The following GAD2 variants were observed in gnomAD, a reference collection of about 807,000 sequenced individuals.
GAD2 encodes 65 kDa glutamic acid decarboxylase.
In GAD2, 22 loss-of-function variants were observed where a neutral mutation model predicts 80.1. The observed-to-expected ratio is 0.27, with a 90% CI of 0.20 to 0.39. GAD2 has a LOEUF of 0.39. Among genes scored for constraint, GAD2 ranks in the 10% least tolerant of loss-of-function variants. GAD2 has a pLI of 1.00. For missense variants in GAD2, 624 were observed against 738.4 expected (o/e 0.85, Z 1.80); for synonymous variants, 274 against 256.9 (o/e 1.07, Z -0.64).
intron 13 of GAD2, among the ~76,000 whole-genome samples, chr10:26,289,064 C>T (rs542616424): frequency 6.6e-4 from 100 of 151,660 alleles, no homozygotes; most frequent in African/African-American, 2.1e-3. Context: ...GTTTTTCAAT[C>T]TAAACCTTTG....
At chr10:26,271,376 GA>G (rs57200346) in intron 10 of GAD2, among the ~76,000 whole-genome samples, 2,611 of 151,900 alleles carry the variant, frequency 0.017, 89 homozygotes, top group African/African-American at 0.058. Context: ...ATTTTCCAAT[GA>G]AAAAAAATGT....
At chr10:26,218,551 T>TCTCTCTCA (rs748110324) in intron 3 of GAD2, among the ~76,000 whole-genome samples, 59 of 118,860 alleles carry the variant, frequency 5.0e-4, no homozygotes, top group African/African-American at 1.5e-3. Context: ...TCTCTCTCTC[T>TCTCTCTCA]CACACACACA....
Position 26,219,721 on chromosome 10 carries a change from C to T in GAD2, c.520+445C>T, listed in dbSNP as rs151014755. ...CATAAAACTGATCAGAAACAGGACT[C>T]ACCACCCTATTAATCATTGAGTGGG... On this transcript the variant is annotated intron_variant, in intron 4 of 15. Coordinates refer to ENST00000376261, the MANE Select transcript of GAD2 (RefSeq NM_001134366.2). Among the ~76,000 whole-genome samples the T allele has an allele frequency of 3.9e-3, 590 of 152,324 alleles. 5 individuals are homozygous for T. Among genetic ancestry groups the T allele is most frequent in the African/African-American group, 0.013 (557 of 41,574 alleles).
chr10:26,273,543 G>A (rs1845162884), intron 10 of GAD2, 93 bp from the exon 11 acceptor site: 1 of 1,044,492 alleles, frequency 9.6e-7, no homozygotes, highest in Admixed American at 1.9e-5. Context: ...AGTGGCCTGG[G>A]GTCAAGATCA....
At chr10:26,236,583 G>A (rs1227707818) in intron 7 of GAD2, among the ~76,000 whole-genome samples, 3 of 152,154 alleles carry the variant, frequency 2.0e-5, no homozygotes, top group African/African-American at 7.2e-5. Flanking sequence ...TTACAGGCGT[G>A]AGCCACCGCA....
At chr10:26,280,923 A>C in intron 11 of GAD2, 86 bp from the exon 12 acceptor site, 2 of 804,790 alleles carry the variant, frequency 2.5e-6, no homozygotes, top group Non-Finnish European at 4.3e-6. Flanking sequence ...TCTGAGAAAC[A>C]ATACCAAGAA....
Position 26,218,975 on chromosome 10 carries a change from C to T in GAD2, c.287-68C>T, listed in dbSNP as rs956242841. On this transcript the variant is annotated intron_variant, in intron 3 of 15. Transcript: ENST00000376261. ...TCAATTCAAAGAAATGTTATTGCCT[C>T]ATCAAGATCTTGCCTTGAATATTTT... is the stretch of plus-strand genomic sequence containing the variant. The T allele has an allele frequency of 5.4e-5, 63 of 1,170,908 alleles. No homozygotes were observed. The Admixed American group carries it at 9.2e-4, about 17-fold the overall frequency. 72.5% of individuals were successfully genotyped at this position (1,170,908 alleles called of 1,614,324 possible). A position where few individuals can be genotyped will look rare whatever the true frequency, so the allele number is the denominator to read the frequency against.
chr10:26,232,395 G>C (rs1424851019), intron 7 of GAD2, among the ~76,000 whole-genome samples: 1 of 151,906 alleles, frequency 6.6e-6, no homozygotes, highest in African/African-American at 2.4e-5. Context: ...GACTTGATCA[G>C]GCCATGTGGT....
chr10:26,284,914 T>G (rs753108181), intron 12 of GAD2, among the ~76,000 whole-genome samples: 4 of 152,158 alleles, frequency 2.6e-5, no homozygotes, highest in Non-Finnish European at 4.4e-5. Context: ...GTTTTCTTTA[T>G]CACAGTAGGA....
chr10:26,284,976 T>C (rs1845315891), intron 12 of GAD2, among the ~76,000 whole-genome samples: 1 of 152,298 alleles, frequency 6.6e-6, no homozygotes, highest in South Asian at 2.1e-4. Context: ...TCTTCCTTAG[T>C]ATTGATGGCA....
chr10:26,300,995 G>A lies in GAD2; in HGVS notation c.*34G>A. 3 of 1,558,384 alleles carry A rather than the reference G, an allele frequency of 1.9e-6. No homozygotes were observed. The highest frequency in any genetic ancestry group is 2.7e-6 in the Non-Finnish European group (3 of 1,131,090). On this transcript the variant is annotated 3_prime_UTR_variant, in exon 16 of 16. Transcript: ENST00000376261. ...CTCACCAAGCTGTTCCACTTCTCTAGGTAGACAATTAAGTTGTCACAAACT... is the reference window on the plus strand; with the variant it reads ...CTCACCAAGCTGTTCCACTTCTCTAAGTAGACAATTAAGTTGTCACAAACT...
intron 15 of GAD2, 97 bp downstream of exon 15, chr10:26,293,088 A>G (rs1834236593): frequency 3.2e-6 from 3 of 948,556 alleles, no homozygotes; most frequent in East Asian, 2.4e-5. Flanking sequence ...GAGACAGCCT[A>G]CCTGGGTACA....
intron 8 of GAD2, among the ~76,000 whole-genome samples, chr10:26,260,582 C>T (rs1434182746): frequency 6.6e-6 from 1 of 152,136 alleles, no homozygotes; most frequent in Non-Finnish European, 1.5e-5. Context: ...GAGCCAAGAT[C>T]GAGCCACTGC....
chr10:26,283,561 G>A (rs930460681), intron 12 of GAD2, among the ~76,000 whole-genome samples: 1 of 152,196 alleles, frequency 6.6e-6, no homozygotes, highest in African/African-American at 2.4e-5. Flanking sequence ...TACAGCAAGT[G>A]GAATTTCAGC....
At chr10:26,235,698 C>T (rs1294796465) in intron 7 of GAD2, among the ~76,000 whole-genome samples, 1 of 152,178 alleles carries the variant, frequency 6.6e-6, no homozygotes, top group South Asian at 2.1e-4. Flanking sequence ...CCCAAATCTT[C>T]AGTCATACAA....
At chr10:26,245,694 G>C (rs752453397) in intron 7 of GAD2, among the ~76,000 whole-genome samples, 1 of 151,824 alleles carries the variant, frequency 6.6e-6, no homozygotes, top group African/African-American at 2.4e-5. Context: ...TGCCTGCCTC[G>C]GCCTCCCAAA....
In GAD2 at chr10:26,231,545, G is replaced by A. The variant is rs529583946; in HGVS notation, c.840+1768G>A. ...CTTTTGGGGTTTTATTTTGTGAAAT[G>A]TCCTTCTTCAACGTATAGGGGTCAC... On this transcript the variant is annotated intron_variant, in intron 7 of 15. Coordinates refer to ENST00000376261, the MANE Select transcript of GAD2 (RefSeq NM_001134366.2). Among the ~76,000 whole-genome samples the A allele has an allele frequency of 1.3e-4, 20 of 152,262 alleles. No homozygotes were observed. In the South Asian group the frequency reaches 3.3e-3, roughly 25 times the overall value.
chr10:26,292,034 G>T (rs1030852947), intron 13 of GAD2, among the ~76,000 whole-genome samples: 3 of 152,150 alleles, frequency 2.0e-5, no homozygotes, highest in Admixed American at 1.3e-4. Context: ...GACAAAGATG[G>T]GCTCTGGGAA....
intron 7 of GAD2, among the ~76,000 whole-genome samples, chr10:26,237,457 G>A (rs578114127): frequency 6.6e-6 from 1 of 152,124 alleles, no homozygotes; most frequent in African/African-American, 2.4e-5. Flanking sequence ...GGGAAGGGTA[G>A]TGCACTGCGC....
Sources: allele counts gnomAD v4.1 joint callset (sites outside exome capture counted in the v4.1 genomes callset), GRCh38; gene constraint gnomAD v4.1.1; transcripts MANE v1.5; gene names NCBI Gene and HGNC (gene_info 2026-07-23, HGNC 2026-07-21).